CADM1: variants seen among roughly 807,000 people sequenced by gnomAD.
CADM1 encodes cell adhesion molecule 1.
CADM1 carries 15 observed loss-of-function variants against 53.1 expected under a neutral mutation model. The ratio of observed to expected loss-of-function variants is 0.28; its 90% CI spans 0.19 to 0.44. The LOEUF is 0.44. CADM1 is among the 20% of genes least tolerant of loss of function. The pLI, the probability that CADM1 is intolerant of heterozygous loss-of-function variation, is 1.00. For synonymous variants in CADM1, 281 were observed against 243.0 expected, an observed-to-expected ratio of 1.16 and a Z score of -1.45; for missense variants, 434 against 611.3, an observed-to-expected ratio of 0.71 and a Z score of 3.06.
At chr11:115,403,739 G>A (rs940099582) in intron 1 of CADM1, among the ~76,000 whole-genome samples, 21 of 152,016 alleles carry the variant, frequency 1.4e-4, no homozygotes, top group African/African-American at 4.8e-4. Flanking sequence ...TAGGACTACA[G>A]GTGTGTGCCA....
intron 1 of CADM1, among the ~76,000 whole-genome samples, chr11:115,406,206 A>T (rs958951633): frequency 1.3e-5 from 2 of 152,146 alleles, no homozygotes; most frequent in Non-Finnish European, 2.9e-5. Flanking sequence ...TTCCTTAAAA[A>T]TATCCAAATA....
At chr11:115,302,633 G>GA (rs1331626644) in intron 1 of CADM1, among the ~76,000 whole-genome samples, 6 of 151,896 alleles carry the variant, frequency 4.0e-5, no homozygotes, top group South Asian at 2.1e-4. Flanking sequence ...CCTAAAAAAA[G>GA]AAAAAAAGAA....
intron 1 of CADM1, 50 bp downstream of exon 1, chr11:115,504,221 T>TGG: frequency 6.4e-7 from 1 of 1,558,016 alleles, no homozygotes. Flanking sequence ...CCAAGGCTAC[T>TGG]GGGGTGCCTT....
At chr11:115,302,570 T>C (rs1944257213) in intron 1 of CADM1, among the ~76,000 whole-genome samples, 1 of 152,116 alleles carries the variant, frequency 6.6e-6, no homozygotes, top group Admixed American at 6.6e-5. Flanking sequence ...TTTGTAAAGT[T>C]TGTACTTTGT....
chr11:115,184,659 C>T (rs1353335440), intron 10 of CADM1, among the ~76,000 whole-genome samples: 1 of 152,220 alleles, frequency 6.6e-6, no homozygotes, highest in African/African-American at 2.4e-5. Flanking sequence ...GCATCCCAGG[C>T]ATCTACTACT....
chr11:115,431,876 T>C (rs1273909643), intron 1 of CADM1, among the ~76,000 whole-genome samples: 1 of 151,846 alleles, frequency 6.6e-6, no homozygotes, highest in African/African-American at 2.4e-5. Context: ...CATTTACAAT[T>C]GTATATTTGT....
rs1401960122 is a variant in CADM1 at position 115,291,960 on chromosome 11, A to ATAGGTGTC, written c.125-51548_125-51541dup. On this transcript the variant is annotated intron_variant, in intron 1 of 11. Coordinates refer to ENST00000331581, the MANE Select transcript of CADM1 (RefSeq NM_001301043.2). Reference sequence around the variant, plus strand: ...GCCTTTCTTTGGCATTTCTGAGAATATAGGTGTCTGCATGACATTAGGAAG... The same window carrying ATAGGTGTC: ...GCCTTTCTTTGGCATTTCTGAGAATATAGGTGTCTAGGTGTCTGCATGACATTAGGAAG... 3.8e-4 allele frequency among the ~76,000 whole-genome samples: 58 copies of ATAGGTGTC among 152,344 alleles called. 1 individual carries two copies. Among genetic ancestry groups the ATAGGTGTC allele is most frequent in the African/African-American group, 1.3e-3 (55 of 41,568 alleles).
chr11:115,303,809 T>A (rs557199211), intron 1 of CADM1, among the ~76,000 whole-genome samples: 2 of 152,172 alleles, frequency 1.3e-5, no homozygotes, highest in African/African-American at 4.8e-5. Flanking sequence ...CAGGTTGTGA[T>A]ATATTTTGAG....
chr11:115,388,985 A>G (rs1201170337), intron 1 of CADM1, among the ~76,000 whole-genome samples: 1 of 152,158 alleles, frequency 6.6e-6, no homozygotes, highest in African/African-American at 2.4e-5. Context: ...GCTAATAATT[A>G]TACCATAGTT....
At chr11:115,331,380 GAC>G (rs1327727651) in intron 1 of CADM1, among the ~76,000 whole-genome samples, 1 of 152,092 alleles carries the variant, frequency 6.6e-6, no homozygotes, top group Admixed American at 6.6e-5. Flanking sequence ...CACACACAGA[GAC>G]ACACATTTCC....
chr11:115,492,967 G>A (rs1222977034), intron 1 of CADM1, among the ~76,000 whole-genome samples: 1 of 147,334 alleles, frequency 6.8e-6, no homozygotes, highest in Non-Finnish European at 1.5e-5. Flanking sequence ...ACACACCCTT[G>A]TTTGCTCACG....
intron 1 of CADM1, among the ~76,000 whole-genome samples, chr11:115,355,314 T>C (rs898187860): frequency 1.3e-5 from 2 of 152,084 alleles, no homozygotes; most frequent in Non-Finnish European, 2.9e-5. Context: ...GGCAGGAACA[T>C]GAATGGAGCT....
intron 1 of CADM1, among the ~76,000 whole-genome samples, chr11:115,478,051 A>G (rs535865035): frequency 1.7e-4 from 26 of 152,360 alleles, no homozygotes; most frequent in African/African-American, 6.0e-4. Flanking sequence ...CATTAATCAG[A>G]AAGTATCCTT....
chr11:115,327,183 C>G (rs1466182787), intron 1 of CADM1, among the ~76,000 whole-genome samples: 1 of 152,118 alleles, frequency 6.6e-6, no homozygotes, highest in Non-Finnish European at 1.5e-5. Flanking sequence ...ATGTCAGATT[C>G]TCTACTCCAT....
chr11:115,355,830 ATTTTTGT>A (rs1258182610), intron 1 of CADM1, among the ~76,000 whole-genome samples: 3 of 151,854 alleles, frequency 2.0e-5, no homozygotes, highest in Admixed American at 6.6e-5. Context: ...GGTTTTGTTT[ATTTTTGT>A]TTTTTGTTTT....
chr11:115,486,186 T>C (rs1158277835), intron 1 of CADM1, among the ~76,000 whole-genome samples: 1 of 152,156 alleles, frequency 6.6e-6, no homozygotes, highest in Non-Finnish European at 1.5e-5. Context: ...AACCAATCTC[T>C]CCATTTCTAA....
intron 1 of CADM1, among the ~76,000 whole-genome samples, chr11:115,442,630 C>G (rs182298244): frequency 7.0e-4 from 107 of 152,166 alleles, no homozygotes; most frequent in African/African-American, 2.4e-3. Context: ...CCTATCACTC[C>G]TGGGAAAGAA....
chr11:115,266,147 G>A (rs1591654711), intron 1 of CADM1, among the ~76,000 whole-genome samples: 1 of 152,230 alleles, frequency 6.6e-6, no homozygotes, highest in South Asian at 2.1e-4. Context: ...TCAGTGTGCT[G>A]TGGGCATCAG....
chr11:115,274,196 T>C (rs1394117516), intron 1 of CADM1, among the ~76,000 whole-genome samples: 4 of 152,262 alleles, frequency 2.6e-5, no homozygotes, highest in African/African-American at 9.6e-5. Context: ...AGTAATCTCT[T>C]AATGGAGTTC....
Sources: allele counts gnomAD v4.1 joint callset (sites outside exome capture counted in the v4.1 genomes callset), GRCh38; gene constraint gnomAD v4.1.1; transcripts MANE v1.5; gene names NCBI Gene and HGNC (gene_info 2026-07-23, HGNC 2026-07-21).